The following GIGYF2 variants were observed in gnomAD, a reference collection of about 807,000 sequenced individuals.
The protein encoded by GIGYF2 is GRB10-interacting GYF protein 2.
A neutral mutation model predicts 208.1 loss-of-function variants in GIGYF2; 25 were observed. The observed-to-expected ratio is 0.12, with a 90% confidence interval of 0.09 to 0.17. GIGYF2 has a LOEUF of 0.17. GIGYF2 is among the 10% of genes least tolerant of loss of function. The pLI is 1.00. For missense variants in GIGYF2, 1,302 were observed against 1,579.4 expected (o/e 0.82, Z 2.98); for synonymous variants, 534 against 543.8 (o/e 0.98, Z 0.25).
intron 9 of GIGYF2, 141 bp from the exon 10 acceptor site, chr2:232,790,557 G>C: frequency 1.3e-6 from 1 of 758,600 alleles, no homozygotes; most frequent in South Asian, 1.5e-5. Flanking sequence ...TCATTTAGTT[G>C]CCTAATGTTC....
chr2:232,742,602 A>G (rs374281344), intron 3 of GIGYF2, among the ~76,000 whole-genome samples: 4 of 152,210 alleles, frequency 2.6e-5, no homozygotes, highest in African/African-American at 9.6e-5. Flanking sequence ...GATTAAGACT[A>G]GTAAAATCGT....
chr2:232,760,293 C>G, intron 6 of GIGYF2, 187 bp from the exon 7 acceptor site: 1 of 584,824 alleles, frequency 1.7e-6, no homozygotes, highest in Non-Finnish European at 3.1e-6. Context: ...CTTTCAGCCT[C>G]TTGTGGTCCA....
At chr2:232,701,975 A>G (rs1695866413) in intron 1 of GIGYF2, among the ~76,000 whole-genome samples, 1 of 152,026 alleles carries the variant, frequency 6.6e-6, no homozygotes, top group Admixed American at 6.5e-5. Context: ...AGCCGGGGCA[A>G]CAGAGAGAGA....
chr2:232,784,458 G>C (rs983507878), intron 8 of GIGYF2, among the ~76,000 whole-genome samples: 4 of 130,074 alleles, frequency 3.1e-5, no homozygotes, highest in South Asian at 2.4e-4. Flanking sequence ...GGCGTGATCT[G>C]GGCTCACTGC....
chr2:232,762,409 C>T (rs1698781524), intron 8 of GIGYF2, among the ~76,000 whole-genome samples: 1 of 151,692 alleles, frequency 6.6e-6, no homozygotes, highest in Admixed American at 6.6e-5. Flanking sequence ...CGTGCCACCA[C>T]ACCTGGCTAA....
Position 232,729,317 on chromosome 2 carries a change from C to T in GIGYF2, c.-43-5838C>T, listed in dbSNP as rs369946488. Among the ~76,000 whole-genome samples, 6 of 152,206 alleles carry T rather than the reference C, an allele frequency of 3.9e-5. No individual in the cohort carries two copies. The East Asian group carries it at 9.6e-4, about 24-fold the overall frequency. On this transcript the variant is annotated intron_variant, in intron 2 of 28. Transcript: ENST00000373563. ...TTCTAAAGGTTACAAGTCTTCTAGG[C>T]GTTTGAGCTGAAAACATTTGGATAG...
At chr2:232,784,580 T>C (rs79928194) in intron 8 of GIGYF2, among the ~76,000 whole-genome samples, 20,075 of 142,542 alleles carry the variant, frequency 0.14, 1,436 homozygotes, top group East Asian at 0.27. Context: ...TTAGTAGAGA[T>C]GGGGTTTCAT....
chr2:232,749,911 C>T (rs755752181), intron 5 of GIGYF2, among the ~76,000 whole-genome samples: 2 of 152,014 alleles, frequency 1.3e-5, no homozygotes, highest in South Asian at 2.1e-4. Flanking sequence ...TGGGGCCAGA[C>T]GCATGACTCA....
At chr2:232,795,146 T>C (rs1027301402) in intron 13 of GIGYF2, among the ~76,000 whole-genome samples, 2 of 152,240 alleles carry the variant, frequency 1.3e-5, no homozygotes, top group Admixed American at 1.3e-4. Context: ...AGTCATTATG[T>C]CAGGTTATTT....
intron 12 of GIGYF2, among the ~76,000 whole-genome samples, chr2:232,794,387 C>A (rs1053919294): frequency 1.3e-5 from 2 of 152,088 alleles, no homozygotes; most frequent in Non-Finnish European, 2.9e-5. Context: ...ACATATCTTT[C>A]AGAAGATTTA....
chr2:232,844,300 CT>C, intron 24 of GIGYF2, 45 bp downstream of exon 24: 1 of 1,612,174 alleles, frequency 6.2e-7, no homozygotes, highest in Non-Finnish European at 8.5e-7. Flanking sequence ...CTAGTATTAT[CT>C]TTTCTGACTG....
chr2:232,808,932 C>G (rs946919294), intron 15 of GIGYF2, among the ~76,000 whole-genome samples: 2 of 152,004 alleles, frequency 1.3e-5, no homozygotes, highest in Non-Finnish European at 2.9e-5. Context: ...CATACATATA[C>G]ATATATACAT....
At chr2:232,790,165 G>A (rs1700029125) in intron 9 of GIGYF2, among the ~76,000 whole-genome samples, 2 of 152,072 alleles carry the variant, frequency 1.3e-5, no homozygotes, top group African/African-American at 2.4e-5. Context: ...TTTGGGGGAG[G>A]ATCAGAATTA....
intron 8 of GIGYF2, among the ~76,000 whole-genome samples, chr2:232,786,919 A>C (rs1406439375): frequency 1.3e-5 from 2 of 152,134 alleles, no homozygotes; most frequent in Non-Finnish European, 2.9e-5. Flanking sequence ...CGCTTTTTCA[A>C]AAAAAATTTT....
intron 1 of GIGYF2, among the ~76,000 whole-genome samples, chr2:232,699,246 CA>C (rs943284207): frequency 2.0e-5 from 3 of 152,094 alleles, no homozygotes; most frequent in African/African-American, 7.2e-5. Context: ...GCAGCAAGAG[CA>C]AAGACCCGGA....
chr2:232,705,244 C>A (rs1009273771), intron 2 of GIGYF2, among the ~76,000 whole-genome samples: 7 of 152,086 alleles, frequency 4.6e-5, no homozygotes, highest in African/African-American at 1.7e-4. Context: ...TTCATAGACT[C>A]TATTCACATT....
intron 20 of GIGYF2, among the ~76,000 whole-genome samples, chr2:232,818,044 T>C (rs1197940166): frequency 6.6e-6 from 1 of 152,254 alleles, no homozygotes; most frequent in Non-Finnish European, 1.5e-5. Flanking sequence ...ATTTTATTTT[T>C]TTGCTTTTGC....
At chr2:232,709,530 G>A (rs186341866) in intron 2 of GIGYF2, among the ~76,000 whole-genome samples, 3 of 152,252 alleles carry the variant, frequency 2.0e-5, no homozygotes, top group Admixed American at 2.0e-4. Flanking sequence ...TTTCATAGAG[G>A]CCGGGCGCGG....
chr2:232,849,427 G>A (rs573797078), intron 27 of GIGYF2, among the ~76,000 whole-genome samples: 63 of 152,244 alleles, frequency 4.1e-4, no homozygotes, highest in Non-Finnish European at 7.4e-5. Flanking sequence ...GCCTCCCAAA[G>A]TGCTGGGATT....
Sources: gnomAD v4.1 joint callset for allele counts (sites outside exome capture counted in the v4.1 genomes callset) on GRCh38, gnomAD v4.1.1 for gene constraint, MANE v1.5 for transcripts, NCBI Gene and HGNC (gene_info 2026-07-23, HGNC 2026-07-21) for gene names.